Variants in XKR4 observed in about 807,000 individuals in gnomAD.
XKR4 encodes XK-related protein 4.
A neutral mutation model predicts 53.9 loss-of-function variants in XKR4; 12 were observed. The ratio of observed to expected loss-of-function variants is 0.22; its 90% CI spans 0.14 to 0.36. The LOEUF is 0.36. Among genes scored for constraint, XKR4 ranks in the 10% least tolerant of loss-of-function variants. XKR4 has a pLI of 1.00. For missense variants in XKR4, 799 were observed against 859.5 expected (o/e 0.93, Z 0.88); for synonymous variants, 354 against 362.4 (o/e 0.98, Z 0.26).
chr8:55,497,490 C>T (rs760972916), intron 2 of XKR4, among the ~76,000 whole-genome samples: 1 of 152,122 alleles, frequency 6.6e-6, no homozygotes, highest in South Asian at 2.1e-4. Flanking sequence ...AACTTATTTA[C>T]CCTCAAAACA....
intron 1 of XKR4, among the ~76,000 whole-genome samples, chr8:55,300,324 CTGAG>C (rs757816224): frequency 6.6e-6 from 1 of 152,074 alleles, no homozygotes; most frequent in African/African-American, 2.4e-5. Flanking sequence ...GGAGCTGAAT[CTGAG>C]TGAAAATGAA....
At chr8:55,481,674 A>G (rs565322618) in intron 2 of XKR4, among the ~76,000 whole-genome samples, 4 of 152,182 alleles carry the variant, frequency 2.6e-5, no homozygotes, top group East Asian at 1.9e-4. Context: ...TCCAGAATCT[A>G]CAATGAACTC....
intron 1 of XKR4, among the ~76,000 whole-genome samples, chr8:55,270,173 G>A (rs1313596471): frequency 6.6e-6 from 1 of 152,144 alleles, no homozygotes; most frequent in African/African-American, 2.4e-5. Context: ...ACATGCCTAG[G>A]GGGTGGTAAA....
At chr8:55,499,941 T>C (rs1381836488) in intron 2 of XKR4, among the ~76,000 whole-genome samples, 2 of 152,180 alleles carry the variant, frequency 1.3e-5, no homozygotes, top group Non-Finnish European at 2.9e-5. Context: ...AGAGTATGCA[T>C]ACCTCTTGAA....
chr8:55,183,873 T>C (rs2068662316), intron 1 of XKR4, among the ~76,000 whole-genome samples: 1 of 152,192 alleles, frequency 6.6e-6, no homozygotes, highest in African/African-American at 2.4e-5. Flanking sequence ...CTATTTCTCT[T>C]TTCAGTCCTA....
chr8:55,289,741 G>A (rs1308548695), intron 1 of XKR4, among the ~76,000 whole-genome samples: 1 of 109,864 alleles, frequency 9.1e-6, no homozygotes, highest in Non-Finnish European at 1.9e-5. Context: ...AAGAAAGAAA[G>A]AAAAAGAAAG....
intron 1 of XKR4, among the ~76,000 whole-genome samples, chr8:55,171,791 A>G (rs568349370): frequency 6.6e-6 from 1 of 151,978 alleles, no homozygotes; most frequent in African/African-American, 2.4e-5. Context: ...GTCGCCTTCC[A>G]GTATCCCCGA....
At position 55,524,353 on chromosome 8, in the gene XKR4, C is replaced by A. The variant is rs1806850458; in HGVS notation, c.*126C>A. On this transcript the variant is annotated 3_prime_UTR_variant, in exon 3 of 3. Transcript: ENST00000327381. ...AAGTTCCTAGTGGGACCGTCATCACCATTATCATTTGATCCTGTCGGCTGG... is the reference window on the plus strand; with the variant it reads ...AAGTTCCTAGTGGGACCGTCATCACAATTATCATTTGATCCTGTCGGCTGG... 2 of 943,140 alleles carry A rather than the reference C, an allele frequency of 2.1e-6. No homozygotes were observed. Among genetic ancestry groups the A allele is most frequent in the Non-Finnish European group, 3.1e-6 (2 of 643,728 alleles). 58.4% of individuals were successfully genotyped at this position (943,140 alleles called of 1,614,324 possible).
At chr8:55,494,547 G>A (rs1014496569) in intron 2 of XKR4, among the ~76,000 whole-genome samples, 6 of 152,184 alleles carry the variant, frequency 3.9e-5, no homozygotes, top group African/African-American at 4.8e-5. Flanking sequence ...GTTTTATTAA[G>A]TGATAGAACA....
At chr8:55,337,153 T>C (rs1803474456) in intron 1 of XKR4, among the ~76,000 whole-genome samples, 1 of 152,144 alleles carries the variant, frequency 6.6e-6, no homozygotes, top group Non-Finnish European at 1.5e-5. Flanking sequence ...AAACAGCAGA[T>C]GGGGAGCCAA....
Position 55,526,817 on chromosome 8 carries a change from T to C in XKR4, c.*2590T>C, listed in dbSNP as rs1051435665. The C allele has an allele frequency of 2.6e-5, 4 of 152,174 alleles. No individual in the cohort carries two copies. The highest frequency in any genetic ancestry group is 9.7e-5 in the African/African-American group (4 of 41,450). 9.4% of individuals were successfully genotyped at this position (152,174 alleles called of 1,614,324 possible). On this transcript the variant is annotated 3_prime_UTR_variant, in exon 3 of 3. Transcript: ENST00000327381. ...ATGTTAAGAGTCAGAATGAATACTA[T>C]GTCAATGAAAAATGATGTACTGTGC... is the stretch of plus-strand genomic sequence containing the variant.
rs531611896 is a variant in XKR4 at position 55,268,882 on chromosome 8, G to T, written c.807-88796G>T. The stretch of plus-strand genomic sequence containing the variant: ...CCAGGTAACTGAAGAAATATTCAAA[G>T]CCCCTACATCTATATGTTCTAAATA... On this transcript the variant is annotated intron_variant, in intron 1 of 2. Coordinates refer to ENST00000327381, the MANE Select transcript of XKR4 (RefSeq NM_052898.2). Among the ~76,000 whole-genome samples the T allele has an allele frequency of 2.6e-5, 4 of 152,268 alleles. No individual in the cohort carries two copies. The South Asian group carries it at 8.3e-4, about 32-fold the overall frequency.
intron 1 of XKR4, among the ~76,000 whole-genome samples, chr8:55,191,946 T>TGTGATGAC (rs1162619223): frequency 6.6e-6 from 1 of 151,702 alleles, no homozygotes; most frequent in Non-Finnish European, 1.5e-5. Flanking sequence ...TCTTATCGTT[T>TGTGATGAC]GTGATGACGT....
chr8:55,509,751 G>C (rs2129404474), intron 2 of XKR4, among the ~76,000 whole-genome samples: 1 of 152,338 alleles, frequency 6.6e-6, no homozygotes, highest in Non-Finnish European at 1.5e-5. Flanking sequence ...GGCTGCCAAA[G>C]TGCCAGCCAT....
At chr8:55,183,734 G>T (rs917584256) in intron 1 of XKR4, among the ~76,000 whole-genome samples, 1 of 152,150 alleles carries the variant, frequency 6.6e-6, no homozygotes, top group Non-Finnish European at 1.5e-5. Context: ...GAGCCATAAA[G>T]GTCAGTTAGA....
chr8:55,350,590 AT>A (rs1469291471), intron 1 of XKR4, among the ~76,000 whole-genome samples: 1 of 152,220 alleles, frequency 6.6e-6, no homozygotes, highest in Non-Finnish European at 1.5e-5. Context: ...CAGAGAAGAT[AT>A]CCAGAGTAGT....
Position 55,483,109 on chromosome 8 carries a change from G to C in XKR4, c.1007-40172G>C, listed in dbSNP as rs116778862. 5.9e-3 allele frequency among the ~76,000 whole-genome samples: 901 copies of C among 152,206 alleles called. 9 individuals carry two copies. Among genetic ancestry groups the C allele is most frequent in the African/African-American group, 0.02 (840 of 41,506 alleles). Reference sequence around the variant, plus strand: ...ATTCATCCTACATCCTCAGGGCTTAGTGTTCTGTATTGTTTGGGAAAAAAA... The same window carrying C: ...ATTCATCCTACATCCTCAGGGCTTACTGTTCTGTATTGTTTGGGAAAAAAA... On this transcript the variant is annotated intron_variant, in intron 2 of 2. Coordinates refer to ENST00000327381, the MANE Select transcript of XKR4 (RefSeq NM_052898.2).
chr8:55,466,028 C>T (rs1164977773), intron 2 of XKR4, among the ~76,000 whole-genome samples: 2 of 152,174 alleles, frequency 1.3e-5, no homozygotes, highest in East Asian at 3.9e-4. Flanking sequence ...AACACTTTTC[C>T]ACTGTTGGTG....
rs117964533 is a variant in XKR4 at position 55,241,541 on chromosome 8, T to A, written c.807-116137T>A. Among the ~76,000 whole-genome samples, 1,167 of 152,298 alleles carry A rather than the reference T, an allele frequency of 7.7e-3. 4 individuals are homozygous for A. Among genetic ancestry groups the A allele is most frequent in the Non-Finnish European group, 0.013 (915 of 68,018 alleles). On this transcript the variant is annotated intron_variant, in intron 1 of 2. Coordinates refer to ENST00000327381, the MANE Select transcript of XKR4 (RefSeq NM_052898.2). ...TAAGTGATGCAAGGAGCCTTCAGTG[T>A]ACCTGGCACTGATATGTATGTTGTT...
Sources: allele counts gnomAD v4.1 joint callset (sites outside exome capture counted in the v4.1 genomes callset), GRCh38; gene constraint gnomAD v4.1.1; transcripts MANE v1.5; gene names NCBI Gene and HGNC (gene_info 2026-07-23, HGNC 2026-07-21).